DARS1: variants seen among roughly 807,000 people sequenced by gnomAD.
DARS1 encodes aspartate--tRNA ligase, cytoplasmic.
In DARS1, 51 loss-of-function variants were observed where a neutral mutation model predicts 68.8. The observed-to-expected ratio is 0.74, with a 90% CI of 0.59 to 0.94. The LOEUF (loss-of-function observed/expected upper bound fraction) is 0.94. DARS1 is among the 40% of genes least tolerant of loss of function. DARS1 has a pLI of 0.00. For synonymous variants in DARS1, 203 were observed against 190.4 expected (o/e 1.07, Z -0.55); for missense variants, 607 against 597.3 (o/e 1.02, Z -0.17).
intron 7 of DARS1, among the ~76,000 whole-genome samples, chr2:135,929,178 T>C (rs1023904963): frequency 8.5e-5 from 13 of 152,196 alleles, no homozygotes; most frequent in Admixed American, 7.9e-4. Context: ...GCATTGGTCT[T>C]GAGGTCAACA....
intron 3 of DARS1, among the ~76,000 whole-genome samples, chr2:135,963,392 A>G (rs1682142584): frequency 6.7e-6 from 1 of 148,244 alleles, no homozygotes; most frequent in African/African-American, 2.5e-5. Context: ...TTTTTTTGAG[A>G]TGGAGTTTTG....
chr2:135,924,712 C>T (rs544719162), intron 7 of DARS1, among the ~76,000 whole-genome samples: 8 of 152,216 alleles, frequency 5.3e-5, no homozygotes, highest in East Asian at 1.9e-4. Flanking sequence ...GGAATTTCAC[C>T]GGAAATCCTT....
At position 135,919,037 on chromosome 2, in the gene DARS1, C is replaced by T. The variant is rs554573418; in HGVS notation, c.959+1416G>A. ...AAGATCAGTGATTGATTTCTACATT[C>T]TATTTTTTCTTTGAGACAGAGTCTT... On this transcript the variant is annotated intron_variant, in intron 10 of 15. Transcript: ENST00000264161. 5.9e-5 allele frequency among the ~76,000 whole-genome samples: 9 copies of T among 152,194 alleles called. No homozygotes were observed. The East Asian group carries it at 1.7e-3, about 29-fold the overall frequency.
At chr2:135,948,877 CA>C (rs35323281) in intron 4 of DARS1, among the ~76,000 whole-genome samples, 144 of 132,098 alleles carry the variant, frequency 1.1e-3, no homozygotes, top group Non-Finnish European at 1.2e-3. Flanking sequence ...CTCCCGTCTC[CA>C]AAAAAAAAAA....
rs116626412 is a variant in DARS1, at chr2:135,975,442, T to C, written c.217+3832A>G. ...AGTTATAAAATAATACAGAGTATTA[T>C]AAAAATTTTAGCTCAAACACACATA... On this transcript the variant is annotated intron_variant, in intron 3 of 15. Transcript: ENST00000264161. Among the ~76,000 whole-genome samples the C allele has an allele frequency of 7.5e-3, 1,146 of 152,158 alleles. 11 individuals carry two copies. The highest frequency in any genetic ancestry group is 0.026 in the African/African-American group (1,080 of 41,508).
At chr2:135,913,407 T>G (rs1293057797) in intron 12 of DARS1, among the ~76,000 whole-genome samples, 1 of 152,166 alleles carries the variant, frequency 6.6e-6, no homozygotes, top group Non-Finnish European at 1.5e-5. Flanking sequence ...CTTGAAATTA[T>G]GACTTTTTTT....
At chr2:135,953,189 C>T (rs1362097581) in intron 4 of DARS1, among the ~76,000 whole-genome samples, 1 of 145,430 alleles carries the variant, frequency 6.9e-6, no homozygotes, top group African/African-American at 2.5e-5. Context: ...AAAAGGACAC[C>T]CATACCTAAA....
chr2:135,943,448 C>A lies in DARS1; in HGVS notation c.353G>T (p.Gly118Val). The A allele has an allele frequency of 6.2e-7, 1 of 1,613,606 alleles. No individual in the cohort carries two copies. Among genetic ancestry groups the A allele is most frequent in the East Asian group, 2.2e-5 (1 of 44,830 alleles). ...INKESIVDVE[G>V]VVRKVNQKIG... ...TTTCTGATTCACTTTTCTCACAACA[C>A]CTTCTACATCCACAATGCTCTCTTT... The change falls in exon 5 of 16, where the codon GGT (glycine) becomes GTT (valine). Residue 118 changes from glycine (G) to valine (V), a missense_variant. Transcript: ENST00000264161.
chr2:135,977,044 A>G (rs689002), intron 3 of DARS1, among the ~76,000 whole-genome samples: 3,475 of 152,304 alleles, frequency 0.023, 112 homozygotes, highest in African/African-American at 0.079. Flanking sequence ...AAGCAAGAAA[A>G]TAAGCAGTAG....
chr2:135,941,142 C>A (rs1235728601), intron 5 of DARS1, among the ~76,000 whole-genome samples: 3 of 152,144 alleles, frequency 2.0e-5, no homozygotes, highest in Admixed American at 6.5e-5. Flanking sequence ...ACTTTCTTCA[C>A]AGAATTGGAA....
chr2:135,985,406 C>T lies in DARS1; in HGVS notation c.63G>A (p.Ala21=), dbSNP rs1400913758. The T allele has an allele frequency of 1.2e-6, 2 of 1,613,720 alleles. No individual in the cohort carries two copies. The highest frequency in any genetic ancestry group is 1.7e-6 in the Non-Finnish European group (2 of 1,179,892). The change falls in exon 1 of 16, where the codon GCG becomes GCA. Residue 21 remains alanine, a synonymous_variant. Coordinates refer to ENST00000264161, the MANE Select transcript of DARS1 (RefSeq NM_001349.4). Reference sequence around the variant, plus strand: ...CCCAGGAAAGGAGGAAACCCACTTCCGCCGCGTCCATGATCTCCCGCGGCT... The same window carrying T: ...CCCAGGAAAGGAGGAAACCCACTTCTGCCGCGTCCATGATCTCCCGCGGCT... ...QEKPREIMDA[A]EDYAKERYGI...
chr2:135,969,193 T>C (rs1443875977), intron 3 of DARS1, among the ~76,000 whole-genome samples: 1 of 121,290 alleles, frequency 8.2e-6, no homozygotes, highest in African/African-American at 3.1e-5. Flanking sequence ...TGTAACTAGT[T>C]ATCATGGAAG....
chr2:135,985,298 A>G, intron 1 of DARS1, 105 bp downstream of exon 1: 2 of 1,464,018 alleles, frequency 1.4e-6, no homozygotes, highest in Non-Finnish European at 1.8e-6. Context: ...CCTGCGGAGA[A>G]CGTGCCGACA....
chr2:135,980,937 T>G (rs555719958), intron 2 of DARS1, among the ~76,000 whole-genome samples: 1 of 152,300 alleles, frequency 6.6e-6, no homozygotes, highest in Non-Finnish European at 1.5e-5. Context: ...CCGAAGCCCA[T>G]GCCATACTCA....
intron 13 of DARS1, 152 bp from the exon 14 acceptor site, chr2:135,911,645 G>T: frequency 1.8e-6 from 1 of 556,750 alleles, no homozygotes. Context: ...TTAAACTACT[G>T]AGGGCTGAAT....
At chr2:135,938,502 G>A (rs1241614744) in intron 5 of DARS1, among the ~76,000 whole-genome samples, 2 of 152,180 alleles carry the variant, frequency 1.3e-5, no homozygotes, top group African/African-American at 4.8e-5. Context: ...ATTTGTCAAA[G>A]TCATTCTCTG....
chr2:135,941,572 G>A (rs1681596836), intron 5 of DARS1, among the ~76,000 whole-genome samples: 1 of 151,360 alleles, frequency 6.6e-6, no homozygotes, highest in Admixed American at 6.6e-5. Context: ...GAAAACCTAG[G>A]CATTACCATT....
chr2:135,923,456 G>GT (rs1171933031), intron 8 of DARS1, among the ~76,000 whole-genome samples: 5 of 151,864 alleles, frequency 3.3e-5, no homozygotes, highest in Non-Finnish European at 7.4e-5. Context: ...CGCCCGGCTA[G>GT]TTTTTGTATT....
At chr2:135,941,351 A>G (rs565611364) in intron 5 of DARS1, among the ~76,000 whole-genome samples, 163 of 152,224 alleles carry the variant, frequency 1.1e-3, no homozygotes, top group African/African-American at 2.2e-3. Context: ...CAGAAATAAC[A>G]CCGCATATCT....
Sources: gnomAD v4.1 joint callset for allele counts (sites outside exome capture counted in the v4.1 genomes callset) on GRCh38, gnomAD v4.1.1 for gene constraint, MANE v1.5 for transcripts, NCBI Gene and HGNC (gene_info 2026-07-23, HGNC 2026-07-21) for gene names.